ST3GAL4: variants seen among roughly 807,000 people sequenced by gnomAD.
ST3GAL4 encodes the protein ST3 beta-galactoside alpha-2,3-sialyltransferase 4, also known as CMP-N-acetylneuraminate-beta-galactosamide-alpha-2,3-sialyltransferase 4.
ST3GAL4 carries 24 observed loss-of-function variants against 42.6 expected under a neutral mutation model. The ratio of observed to expected loss-of-function variants is 0.56; its 90% CI spans 0.41 to 0.79. The LOEUF (loss-of-function observed/expected upper bound fraction) is 0.79. ST3GAL4 is among the 30% of genes least tolerant of loss of function. The pLI is 0.00. For missense variants in ST3GAL4, 311 were observed against 430.8 expected (o/e 0.72, Z 2.46); for synonymous variants, 135 against 163.2 (o/e 0.83, Z 1.32).
chr11:126,412,509 G>A (rs946644669), intron 9 of ST3GAL4, among the ~76,000 whole-genome samples: 1 of 152,224 alleles, frequency 6.6e-6, no homozygotes, highest in African/African-American at 2.4e-5. Context: ...GGTTCTCAGA[G>A]CAGCCAGTAA....
chr11:126,408,098 G>C lies in ST3GAL4; in HGVS notation c.342-1G>C. ...ATAGACCACTCCTCTTTCTATGGCA[G>C]CCTCAGGTGCCGCCGCTGTGTGGTC... On this transcript the variant is annotated splice_acceptor_variant, in intron 6 of 10. Coordinates refer to ENST00000444328, the MANE Select transcript of ST3GAL4 (RefSeq NM_001254757.2). LOFTEE classifies it high-confidence loss of function. 2 of 1,613,406 alleles carry C rather than the reference G, an allele frequency of 1.2e-6. No homozygotes were observed. Among genetic ancestry groups the C allele is most frequent in the Non-Finnish European group, 1.7e-6 (2 of 1,179,824 alleles).
At chr11:126,394,283 C>T (rs151086710) in intron 1 of ST3GAL4, among the ~76,000 whole-genome samples, 115 of 152,338 alleles carry the variant, frequency 7.5e-4, no homozygotes, top group Non-Finnish European at 1.2e-3. Context: ...TGGGGCAGGT[C>T]CACACAGGCC....
At chr11:126,361,478 G>GC (rs1952240699) in intron 1 of ST3GAL4, among the ~76,000 whole-genome samples, 1 of 151,202 alleles carries the variant, frequency 6.6e-6, no homozygotes, top group African/African-American at 2.4e-5. Context: ...TGCTTCTGCT[G>GC]CCCCCTCACA....
Position 126,407,039 on chromosome 11 carries a change from T to A in ST3GAL4, c.182+16T>A, listed in dbSNP as rs377409485. The A allele has an allele frequency of 7.8e-5, 126 of 1,611,318 alleles. No homozygotes were observed. The highest frequency in any genetic ancestry group is 1.0e-4 in the Non-Finnish European group (118 of 1,177,878). On this transcript the variant is annotated intron_variant, in intron 4 of 10. Transcript: ENST00000444328. ...TCTTTGGCAAGTAAGTACTTAAGGA[T>A]GAGGAGGGTAGAGCAGGGCATGGAG...
rs1228612334 is a variant in ST3GAL4, at chr11:126,411,075, G to A, written c.771+1664G>A. On this transcript the variant is annotated intron_variant, in intron 9 of 10. Coordinates refer to ENST00000444328, the MANE Select transcript of ST3GAL4 (RefSeq NM_001254757.2). This position sits in a 1 kb window ranked among gnomAD's most constrained non-coding sequence, Gnocchi z 6.3. ...GAGAGGAGGCTGGAGAGGGAGATGA[G>A]AGAGGGCGAGGACCTGAACCCAGCT... is the stretch of plus-strand genomic sequence containing the variant. 6.6e-6 allele frequency among the ~76,000 whole-genome samples: 1 copy of A among 152,156 alleles called. No homozygotes were observed. Among genetic ancestry groups the A allele is most frequent in the Non-Finnish European group, 1.5e-5 (1 of 68,024 alleles).
intron 1 of ST3GAL4, among the ~76,000 whole-genome samples, chr11:126,361,467 T>G (rs1331855167): frequency 6.6e-6 from 1 of 152,020 alleles, no homozygotes; most frequent in Non-Finnish European, 1.5e-5. Flanking sequence ...CTCCTCGCCT[T>G]TGCTTCTGCT....
rs1349788732 is a variant in ST3GAL4 at position 126,397,057 on chromosome 11, G to C, written c.-60-9039G>C. Among the ~76,000 whole-genome samples, 7 of 152,088 alleles carry C rather than the reference G, an allele frequency of 4.6e-5. No individual in the cohort carries two copies. Among genetic ancestry groups the C allele is most frequent in the Admixed American group, 1.3e-4 (2 of 15,276 alleles). ...TACACAAGACAGACCCCGCAACAGT[G>C]AACTCTCTGGCCCCTCCAAGTCAGT... On this transcript the variant is annotated intron_variant, in intron 1 of 10. Coordinates refer to ENST00000444328, the MANE Select transcript of ST3GAL4 (RefSeq NM_001254757.2). The surrounding 1 kb of genome is among the most constrained non-coding windows in gnomAD (Gnocchi z 5.0).
chr11:126,356,551 G>C (rs555527189), intron 1 of ST3GAL4, among the ~76,000 whole-genome samples: 36 of 152,360 alleles, frequency 2.4e-4, no homozygotes, highest in Non-Finnish European at 4.1e-4. Flanking sequence ...AGTCCTGGGG[G>C]GAGGCTCTGT....
chr11:126,372,460 A>G (rs1193080464), intron 1 of ST3GAL4, among the ~76,000 whole-genome samples: 2 of 144,636 alleles, frequency 1.4e-5, no homozygotes, highest in East Asian at 2.0e-4. Flanking sequence ...CTTGCTGCCC[A>G]GGCTGGAGTG....
In ST3GAL4 at chr11:126,407,369, G is replaced by A. The variant is rs374093253; in HGVS notation, c.280+20G>A. 189 of 1,611,498 alleles carry A rather than the reference G, an allele frequency of 1.2e-4. No individual in the cohort carries two copies. Among genetic ancestry groups the A allele is most frequent in the African/African-American group, 9.3e-4 (70 of 74,994 alleles). ...GGAGTGGTAAGTTCCTACCCGGCTC[G>A]TGGGAACCATGGGCTCACCCTGACC... On this transcript the variant is annotated intron_variant, in intron 5 of 10. Coordinates refer to ENST00000444328, the MANE Select transcript of ST3GAL4 (RefSeq NM_001254757.2).
chr11:126,398,968 C>T lies in ST3GAL4; in HGVS notation c.-60-7128C>T, dbSNP rs1953890541. On this transcript the variant is annotated intron_variant, in intron 1 of 10. Coordinates refer to ENST00000444328, the MANE Select transcript of ST3GAL4 (RefSeq NM_001254757.2). The surrounding 1 kb of genome is among the most constrained non-coding windows in gnomAD (Gnocchi z 4.7). Reference sequence around the variant, plus strand: ...CCAAGACCTGGCTTTTGACATAGTTCCTTCCCTCAGATTTTGGCACTGCCG... The same window carrying T: ...CCAAGACCTGGCTTTTGACATAGTTTCTTCCCTCAGATTTTGGCACTGCCG... Among the ~76,000 whole-genome samples, 1 of 152,170 alleles carries T rather than the reference C, an allele frequency of 6.6e-6. No individual in the cohort carries two copies. Among genetic ancestry groups the T allele is most frequent in the Non-Finnish European group, 1.5e-5 (1 of 68,024 alleles).
At position 126,398,481 on chromosome 11, in the gene ST3GAL4, G is replaced by A. The variant is rs543213744; in HGVS notation, c.-60-7615G>A. Among the ~76,000 whole-genome samples the A allele has an allele frequency of 1.6e-4, 25 of 152,326 alleles. No homozygotes were observed. In the South Asian group the frequency reaches 5.0e-3, roughly 30 times the overall value. ...TCCATGCAGCAGCTCTCACCGGTTG[G>A]AGTCTCATGCTTGCAGCTCCCCCAG... On this transcript the variant is annotated intron_variant, in intron 1 of 10. Coordinates refer to ENST00000444328, the MANE Select transcript of ST3GAL4 (RefSeq NM_001254757.2). The surrounding 1 kb of genome is among the most constrained non-coding windows in gnomAD (Gnocchi z 4.7).
chr11:126,356,248 T>C (rs1952057992), intron 1 of ST3GAL4: 1 of 152,420 alleles, frequency 6.6e-6, no homozygotes. Context: ...GGTGACAGGC[T>C]TTGCGGGGTC....
At chr11:126,407,226 C>T (rs755895143) in intron 4 of ST3GAL4, 26 bp from the exon 5 acceptor site, 2 of 1,611,618 alleles carry the variant, frequency 1.2e-6, no homozygotes, top group African/African-American at 1.3e-5. Flanking sequence ...TGTTCTCATC[C>T]CCACCCGGCT....
chr11:126,370,526 A>C (rs1000634304), intron 1 of ST3GAL4, among the ~76,000 whole-genome samples: 2 of 152,352 alleles, frequency 1.3e-5, no homozygotes, highest in African/African-American at 4.8e-5. Flanking sequence ...ATAAGTTAAT[A>C]TATGTACATC....
At chr11:126,362,210 T>G (rs1952265608) in intron 1 of ST3GAL4, among the ~76,000 whole-genome samples, 1 of 146,612 alleles carries the variant, frequency 6.8e-6, no homozygotes, top group South Asian at 2.2e-4. Context: ...TTTTTTTTTT[T>G]TTTTTAAGAC....
Position 126,409,528 on chromosome 11 carries a change from T to C in ST3GAL4, c.771+117T>C. ...CATAACAGAGGCGGCGGTTTGCATT[T>C]TCCCTCCAGGAACACACCTGTCATT... On this transcript the variant is annotated intron_variant, in intron 9 of 10. Coordinates refer to ENST00000444328, the MANE Select transcript of ST3GAL4 (RefSeq NM_001254757.2). This position sits in a 1 kb window ranked among gnomAD's most constrained non-coding sequence, Gnocchi z 4.9. 7.1e-7 allele frequency: 1 copy of C among 1,409,864 alleles called. No individual in the cohort carries two copies. The highest frequency in any genetic ancestry group is 1.3e-5 in the South Asian group (1 of 78,810). The allele number at this position is 1,409,864 out of a possible 1,614,324, so 87.3% of individuals were successfully genotyped here.
Position 126,366,368 on chromosome 11 carries a change from G to T in ST3GAL4, c.-61+10526G>T, listed in dbSNP as rs549869505. Among the ~76,000 whole-genome samples, 1 of 152,304 alleles carries T rather than the reference G, an allele frequency of 6.6e-6. No homozygotes were observed. The highest frequency in any genetic ancestry group is 2.4e-5 in the African/African-American group (1 of 41,566). ...GCATGGGGTGGTGGGGGCGTGCAGA[G>T]AGGAGGAGGACTGAGAGCTGGGTGT... On this transcript the variant is annotated intron_variant, in intron 1 of 10. Transcript: ENST00000444328. This position sits in a 1 kb window ranked among gnomAD's most constrained non-coding sequence, Gnocchi z 4.2.
chr11:126,385,641 G>A (rs1953197389), intron 1 of ST3GAL4, among the ~76,000 whole-genome samples: 1 of 152,154 alleles, frequency 6.6e-6, no homozygotes, highest in African/African-American at 2.4e-5. Context: ...GAATGAAAGA[G>A]TACTCCCCCA....
Sources: allele counts gnomAD v4.1 joint callset (sites outside exome capture counted in the v4.1 genomes callset), GRCh38; gene constraint gnomAD v4.1.1; non-coding constraint Gnocchi (gnomAD v3.1); transcripts MANE v1.5; gene names NCBI Gene and HGNC (gene_info 2026-07-23, HGNC 2026-07-21).